The following NKAIN2 variants were observed in gnomAD, a reference collection of about 807,000 sequenced individuals.
NKAIN2 encodes sodium/potassium-transporting ATPase subunit beta-1-interacting protein 2.
A neutral mutation model predicts 32.6 loss-of-function variants in NKAIN2; 14 were observed. That is an observed-to-expected ratio of 0.43 (90% CI 0.28 to 0.67). NKAIN2 has a LOEUF of 0.67. Ranked by LOEUF, NKAIN2 falls within the 30% of genes least tolerant of loss-of-function variation. The pLI is 0.17. For synonymous variants in NKAIN2, 80 were observed against 87.2 expected, an observed-to-expected ratio of 0.92 and a Z score of 0.46; for missense variants, 198 against 258.3, an observed-to-expected ratio of 0.77 and a Z score of 1.60.
intron 1 of NKAIN2, among the ~76,000 whole-genome samples, chr6:124,076,285 T>A (rs914045012): frequency 1.3e-5 from 2 of 152,136 alleles, no homozygotes; most frequent in Non-Finnish European, 2.9e-5. Context: ...TGAGGCAGGA[T>A]GTCCACTGTC....
At position 124,041,424 on chromosome 6, in the gene NKAIN2, C is replaced by T. The variant is rs114947385; in HGVS notation, c.54+237170C>T. Among the ~76,000 whole-genome samples, 911 of 152,152 alleles carry T rather than the reference C, an allele frequency of 6.0e-3. 14 individuals are homozygous for T. Among genetic ancestry groups the T allele is most frequent in the African/African-American group, 0.021 (877 of 41,544 alleles). On this transcript the variant is annotated intron_variant, in intron 1 of 6. Transcript: ENST00000368417. ...AGTTTGTTCAAACTAAATGCAAATA[C>T]TTACATTTAGTTAATTTAATGCTAT...
chr6:124,767,170 A>G (rs935493020), intron 4 of NKAIN2, among the ~76,000 whole-genome samples: 3 of 152,122 alleles, frequency 2.0e-5, no homozygotes, highest in Admixed American at 1.3e-4. Context: ...CTGGGATTAC[A>G]GGCATGAGCC....
At chr6:124,665,017 A>T (rs980785566) in intron 4 of NKAIN2, among the ~76,000 whole-genome samples, 1 of 152,034 alleles carries the variant, frequency 6.6e-6, no homozygotes, top group African/African-American at 2.4e-5. Flanking sequence ...GGTCCCTTTA[A>T]CATCTATTAG....
chr6:124,458,903 T>G (rs1219575663), intron 3 of NKAIN2, among the ~76,000 whole-genome samples: 1 of 151,784 alleles, frequency 6.6e-6, no homozygotes. Context: ...AGAATCTGCT[T>G]CCTGCCGTAT....
Position 124,583,677 on chromosome 6 carries a change from C to T in NKAIN2, c.274-74509C>T, listed in dbSNP as rs139810566. ...ATATGGAACCACAATCGACCTAGAA[C>T]AGCCAAAGCTATCCTGAGAAAAAGG... On this transcript the variant is annotated intron_variant, in intron 3 of 6. Coordinates refer to ENST00000368417, the MANE Select transcript of NKAIN2 (RefSeq NM_001040214.3). Among the ~76,000 whole-genome samples, 363 of 152,168 alleles carry T rather than the reference C, an allele frequency of 2.4e-3. 1 individual carries two copies. Among genetic ancestry groups the T allele is most frequent in the African/African-American group, 8.3e-3 (344 of 41,532 alleles).
At chr6:123,963,675 A>T (rs531847045) in intron 1 of NKAIN2, among the ~76,000 whole-genome samples, 33 of 152,354 alleles carry the variant, frequency 2.2e-4, no homozygotes, top group African/African-American at 7.7e-4. Context: ...CAGAAAGCGT[A>T]AAAGAAAGCA....
chr6:124,730,824 T>C (rs2114662514), intron 4 of NKAIN2, among the ~76,000 whole-genome samples: 1 of 151,136 alleles, frequency 6.6e-6, no homozygotes, highest in Non-Finnish European at 1.5e-5. Flanking sequence ...GACAAAGGGC[T>C]AATATCCAGA....
intron 4 of NKAIN2, among the ~76,000 whole-genome samples, chr6:124,786,046 C>T (rs7746599): frequency 0.18 from 27,532 of 152,026 alleles, 3,297 homozygotes; most frequent in African/African-American, 0.33. Context: ...GGTACTATCA[C>T]TGTAAAATTT....
intron 3 of NKAIN2, among the ~76,000 whole-genome samples, chr6:124,457,772 A>G (rs766179285): frequency 6.6e-6 from 1 of 151,940 alleles, no homozygotes; most frequent in Non-Finnish European, 1.5e-5. Flanking sequence ...TTCCATTGCC[A>G]GGTGCCAAGA....
intron 2 of NKAIN2, among the ~76,000 whole-genome samples, chr6:124,344,551 C>T (rs1261821553): frequency 6.6e-6 from 1 of 151,428 alleles, no homozygotes; most frequent in Non-Finnish European, 1.5e-5. Flanking sequence ...CCTTCACGTC[C>T]CTTGTAAGTT....
chr6:123,883,747 T>TA (rs748583280), intron 1 of NKAIN2, among the ~76,000 whole-genome samples: 60 of 150,094 alleles, frequency 4.0e-4, no homozygotes, highest in Non-Finnish European at 7.4e-4. Flanking sequence ...ACCTCTTTTT[T>TA]AAAAAAAATT....
At chr6:124,179,605 G>A (rs1174654553) in intron 1 of NKAIN2, among the ~76,000 whole-genome samples, 1 of 152,204 alleles carries the variant, frequency 6.6e-6, no homozygotes, top group Non-Finnish European at 1.5e-5. Context: ...TGAGCAGACA[G>A]CAGAGGGACT....
At chr6:123,946,731 T>C (rs2114570885) in intron 1 of NKAIN2, among the ~76,000 whole-genome samples, 1 of 152,238 alleles carries the variant, frequency 6.6e-6, no homozygotes, top group East Asian at 1.9e-4. Flanking sequence ...ATTTCTAGGG[T>C]TGATTTTCCT....
chr6:123,934,652 T>G (rs1305514286), intron 1 of NKAIN2, among the ~76,000 whole-genome samples: 3 of 152,060 alleles, frequency 2.0e-5, no homozygotes, highest in African/African-American at 7.2e-5. Context: ...TAGAAAATCT[T>G]AAGGAATAAA....
At chr6:124,626,485 T>A (rs1447719443) in intron 3 of NKAIN2, among the ~76,000 whole-genome samples, 1 of 152,134 alleles carries the variant, frequency 6.6e-6, no homozygotes, top group Admixed American at 6.6e-5. Context: ...AATGCAGCAT[T>A]CACACAGAGA....
chr6:124,331,454 G>A (rs555966719), intron 2 of NKAIN2, among the ~76,000 whole-genome samples: 167 of 145,732 alleles, frequency 1.1e-3, no homozygotes, highest in Non-Finnish European at 1.9e-3. Flanking sequence ...GCGTGAACCT[G>A]CGAGGCAGAC....
At chr6:124,331,508 G>C (rs1196052786) in intron 2 of NKAIN2, among the ~76,000 whole-genome samples, 17 of 135,196 alleles carry the variant, frequency 1.3e-4, no homozygotes, top group South Asian at 4.6e-4. Context: ...CAGCCTGGGT[G>C]ACAGAGCGAG....
intron 1 of NKAIN2, among the ~76,000 whole-genome samples, chr6:124,202,778 G>T (rs143064866): frequency 1.1e-4 from 17 of 151,926 alleles, no homozygotes; most frequent in African/African-American, 4.1e-4. Flanking sequence ...TGTGCTACAA[G>T]TAATAGCTCT....
chr6:124,780,632 G>A (rs201750209), intron 4 of NKAIN2, among the ~76,000 whole-genome samples: 2 of 152,130 alleles, frequency 1.3e-5, no homozygotes, highest in South Asian at 2.1e-4. Flanking sequence ...AATGTCCTTC[G>A]ACACTTTGCT....
Sources: allele counts gnomAD v4.1 joint callset (sites outside exome capture counted in the v4.1 genomes callset), GRCh38; gene constraint gnomAD v4.1.1; transcripts MANE v1.5; gene names NCBI Gene and HGNC (gene_info 2026-07-23, HGNC 2026-07-21).